Variants in EPB41 observed in about 807,000 individuals in gnomAD.
The protein encoded by EPB41 is erythrocyte membrane protein band 4.1.
EPB41 carries 65 observed loss-of-function variants against 108.0 expected under a neutral mutation model. The ratio of observed to expected loss-of-function variants is 0.60; its 90% confidence interval spans 0.49 to 0.74. The LOEUF (loss-of-function observed/expected upper bound fraction) is 0.74. Ranked by LOEUF, EPB41 falls within the 30% of genes least tolerant of loss-of-function variation. The pLI is 0.00. For missense variants in EPB41, 875 were observed against 1,037.0 expected (o/e 0.84, Z 2.15); for synonymous variants, 336 against 358.9 (o/e 0.94, Z 0.72).
At chr1:28,910,940 G>T, upstream of EPB41, 1 of 981,096 alleles carries the variant, frequency 1.0e-6, no homozygotes, top group Non-Finnish European at 1.2e-6. Context: ...TAGCACAGCT[G>T]CCACCCAGAT....
intron 1 of EPB41, among the ~76,000 whole-genome samples, chr1:28,955,014 A>G (rs2094888610): frequency 6.6e-6 from 1 of 152,222 alleles, no homozygotes; most frequent in Non-Finnish European, 1.5e-5. Context: ...GAAAAATAGT[A>G]GCTGGAGCCA....
At chr1:28,897,013 C>A (rs557275361) in intron 1 of EPB41, among the ~76,000 whole-genome samples, 1 of 152,302 alleles carries the variant, frequency 6.6e-6, no homozygotes, top group South Asian at 2.1e-4. Context: ...AAAAGCCATT[C>A]AGCTGCTCTC....
chr1:29,024,356 G>A (rs1037617979), intron 7 of EPB41, among the ~76,000 whole-genome samples: 7 of 150,116 alleles, frequency 4.7e-5, no homozygotes, highest in Non-Finnish European at 7.4e-5. Context: ...ATTAAAGGCC[G>A]AGCGTGGTGG....
At chr1:28,973,896 C>T (rs980071515) in intron 1 of EPB41, among the ~76,000 whole-genome samples, 7 of 152,238 alleles carry the variant, frequency 4.6e-5, no homozygotes, top group Admixed American at 2.6e-4. Flanking sequence ...CAATTTCTTC[C>T]TTTTACTTTA....
chr1:28,901,050 C>T (rs1266692595), intron 1 of EPB41, among the ~76,000 whole-genome samples: 17 of 151,988 alleles, frequency 1.1e-4, no homozygotes. Context: ...CTGCCTCAGC[C>T]TCCTGAGTAG....
In EPB41 at chr1:29,053,367, A is replaced by T. The variant is rs186762151; in HGVS notation, c.1845+55A>T. 42 of 1,597,694 alleles carry T rather than the reference A, an allele frequency of 2.6e-5. 1 individual carries two copies. In the East Asian group the frequency reaches 9.2e-4, roughly 35 times the overall value. ...CTCACTTTCTGATTTAGAGGCCTTAACTTTTTGACCAGGAACGTTTTCAAA... is the reference window on the plus strand; with the variant it reads ...CTCACTTTCTGATTTAGAGGCCTTATCTTTTTGACCAGGAACGTTTTCAAA... On this transcript the variant is annotated intron_variant, in intron 12 of 20. Coordinates refer to ENST00000343067, the MANE Select transcript of EPB41 (RefSeq NM_001376013.1).
intron 4 of EPB41, among the ~76,000 whole-genome samples, chr1:28,997,735 T>C (rs1028177913): frequency 6.6e-6 from 1 of 151,938 alleles, no homozygotes; most frequent in Non-Finnish European, 1.5e-5. Context: ...AATTATGATA[T>C]ATAATTATAA....
intron 16 of EPB41, among the ~76,000 whole-genome samples, chr1:29,080,418 T>C (rs1477230221): frequency 3.3e-5 from 5 of 151,380 alleles, no homozygotes; most frequent in African/African-American, 9.7e-5. Flanking sequence ...TTTCTTTTTT[T>C]TTTTTTTTGA....
upstream of EPB41, among the ~76,000 whole-genome samples, chr1:28,913,104 T>C (rs1052574565): frequency 1.3e-5 from 2 of 152,006 alleles, no homozygotes; most frequent in African/African-American, 4.8e-5. Flanking sequence ...CCTCCCACTA[T>C]AGGTGGGAGT....
At chr1:29,113,672 A>T (rs1407541640) in intron 19 of EPB41, among the ~76,000 whole-genome samples, 1 of 152,208 alleles carries the variant, frequency 6.6e-6, no homozygotes, top group Non-Finnish European at 1.5e-5. Context: ...TATGTCCTTG[A>T]GCAACTTATA....
intron 1 of EPB41, among the ~76,000 whole-genome samples, chr1:28,986,148 A>G (rs190354524): frequency 3.3e-4 from 50 of 152,076 alleles, no homozygotes; most frequent in African/African-American, 1.2e-3. Context: ...TGTCCCTACA[A>G]AGGACATGAA....
intron 10 of EPB41, 86 bp downstream of exon 10, chr1:29,036,009 T>A: frequency 1.0e-6 from 1 of 962,364 alleles, no homozygotes; most frequent in Non-Finnish European, 1.6e-6. Context: ...CCTTTCATTG[T>A]ATGACTGGCA....
intron 7 of EPB41, among the ~76,000 whole-genome samples, chr1:29,023,897 G>A (rs2096679799): frequency 6.6e-6 from 1 of 151,918 alleles, no homozygotes; most frequent in African/African-American, 2.4e-5. Context: ...CTCTTGGTAA[G>A]TTACTTAAGC....
intron 16 of EPB41, among the ~76,000 whole-genome samples, chr1:29,073,357 GC>G (rs987136841): frequency 1.3e-5 from 2 of 152,082 alleles, no homozygotes; most frequent in Non-Finnish European, 2.9e-5. Context: ...ACTACTTGGT[GC>G]CCAGATTTCC....
At chr1:29,058,280 G>A (rs183027439) in intron 12 of EPB41, among the ~76,000 whole-genome samples, 2 of 152,224 alleles carry the variant, frequency 1.3e-5, no homozygotes, top group East Asian at 3.9e-4. Context: ...TATTCTTTTA[G>A]TGGGTACTTT....
At chr1:29,062,098 C>A (rs61067950) in intron 15 of EPB41, among the ~76,000 whole-genome samples, 1 of 152,124 alleles carries the variant, frequency 6.6e-6, no homozygotes, top group Non-Finnish European at 1.5e-5. Flanking sequence ...TGAAGTTTTT[C>A]GAGGCTGGAC....
upstream of EPB41, among the ~76,000 whole-genome samples, chr1:28,913,362 C>A (rs1380928835): frequency 6.6e-6 from 1 of 152,096 alleles, no homozygotes; most frequent in African/African-American, 2.4e-5. Context: ...CGCTTGAACC[C>A]GGGAGGCAGA....
intron 9 of EPB41, 76 bp downstream of exon 9, chr1:29,033,321 A>G (rs1339349556): frequency 1.9e-6 from 3 of 1,552,574 alleles, no homozygotes; most frequent in Non-Finnish European, 2.7e-6. Context: ...CATTTTCCTT[A>G]TTAAGTCATC....
intron 17 of EPB41, among the ~76,000 whole-genome samples, chr1:29,103,963 G>A (rs1179598585): frequency 6.6e-6 from 1 of 152,168 alleles, no homozygotes; most frequent in Non-Finnish European, 1.5e-5. Context: ...CACTGCTCCC[G>A]GCCCACATTG....
Sources: gnomAD v4.1 joint callset for allele counts (sites outside exome capture counted in the v4.1 genomes callset) on GRCh38, gnomAD v4.1.1 for gene constraint, MANE v1.5 for transcripts, NCBI Gene and HGNC (gene_info 2026-07-23, HGNC 2026-07-21) for gene names.